ANTXR1: variants seen among roughly 807,000 people sequenced by gnomAD.
ANTXR1 encodes anthrax toxin receptor 1.
ANTXR1 carries 19 observed loss-of-function variants against 78.1 expected under a neutral mutation model. That is an observed-to-expected ratio of 0.24 (90% CI 0.17 to 0.36). ANTXR1 has a LOEUF of 0.36. Ranked by LOEUF, ANTXR1 falls within the 10% of genes least tolerant of loss-of-function variation. The pLI is 1.00. For missense variants in ANTXR1, 518 were observed against 718.6 expected, an observed-to-expected ratio of 0.72 and a Z score of 3.19; for synonymous variants, 273 against 260.5, an observed-to-expected ratio of 1.05 and a Z score of -0.46.
Position 69,234,223 on chromosome 2 carries a change from G to C in ANTXR1, c.1435-11002G>C, listed in dbSNP as rs528574120. Among the ~76,000 whole-genome samples the C allele has an allele frequency of 7.2e-5, 11 of 152,318 alleles. No individual in the cohort carries two copies. In the South Asian group the frequency reaches 2.3e-3, roughly 32 times the overall value. On this transcript the variant is annotated intron_variant, in intron 17 of 17. Transcript: ENST00000303714. ...TGGAAACTGCTGCTACAGATATAGA[G>C]AGACACATCAGAGAAGTGGAACAGA...
At chr2:69,225,212 C>T (rs1675413806) in intron 17 of ANTXR1, among the ~76,000 whole-genome samples, 1 of 152,242 alleles carries the variant, frequency 6.6e-6, no homozygotes, top group Admixed American at 6.5e-5. Context: ...TGCTGGCTAA[C>T]CCACATGTTA....
rs1351115967 is a variant in ANTXR1 at position 69,073,236 on chromosome 2, A to G, written c.492+135A>G. The G allele has an allele frequency of 6.7e-6, 5 of 749,780 alleles. No homozygotes were observed. The East Asian group carries it at 1.3e-4, about 20-fold the overall frequency. 46.4% of individuals were successfully genotyped at this position (749,780 alleles called of 1,614,324 possible). Reference sequence around the variant, plus strand: ...CTGAATGAAATAGAGTTTCATAAGTAGAAATAATAATAATAATTCGTGTTC... The same window carrying G: ...CTGAATGAAATAGAGTTTCATAAGTGGAAATAATAATAATAATTCGTGTTC... On this transcript the variant is annotated intron_variant, in intron 6 of 17. Coordinates refer to ENST00000303714, the MANE Select transcript of ANTXR1 (RefSeq NM_032208.3).
chr2:69,215,057 G>A (rs991813790), intron 17 of ANTXR1, among the ~76,000 whole-genome samples: 2 of 152,116 alleles, frequency 1.3e-5, no homozygotes, highest in Non-Finnish European at 2.9e-5. Context: ...CTTACAGGAC[G>A]CATGGATGGG....
In ANTXR1 at chr2:69,051,209, C is replaced by T. The variant is rs563207350; in HGVS notation, c.296+6396C>T. 9.8e-4 allele frequency among the ~76,000 whole-genome samples: 148 copies of T among 151,722 alleles called. 1 individual carries two copies. Among genetic ancestry groups the T allele is most frequent in the African/African-American group, 3.4e-3 (141 of 41,358 alleles). On this transcript the variant is annotated intron_variant, in intron 3 of 17. Coordinates refer to ENST00000303714, the MANE Select transcript of ANTXR1 (RefSeq NM_032208.3). ...GCGAGAATTTCTTGAACCTGGGAGGCGGAGGTTGCAGTGAGCTGAGATCGC... is the reference window on the plus strand; with the variant it reads ...GCGAGAATTTCTTGAACCTGGGAGGTGGAGGTTGCAGTGAGCTGAGATCGC...
intron 13 of ANTXR1, among the ~76,000 whole-genome samples, chr2:69,154,756 G>T (rs369662499): frequency 6.6e-6 from 1 of 152,160 alleles, no homozygotes; most frequent in South Asian, 2.1e-4. Context: ...CGTGTCTGCC[G>T]TGTGCCTTCT....
intron 17 of ANTXR1, among the ~76,000 whole-genome samples, chr2:69,232,230 C>T (rs1439236068): frequency 6.6e-6 from 1 of 151,664 alleles, no homozygotes; most frequent in Non-Finnish European, 1.5e-5. Flanking sequence ...TTAATTAAAT[C>T]GAATCAAAAA....
At chr2:69,151,536 G>C (rs1673398370) in intron 12 of ANTXR1, among the ~76,000 whole-genome samples, 1 of 152,096 alleles carries the variant, frequency 6.6e-6, no homozygotes, top group East Asian at 1.9e-4. Flanking sequence ...ATTTTTAGGT[G>C]GGTAAAACTG....
intron 3 of ANTXR1, among the ~76,000 whole-genome samples, chr2:69,061,294 T>C (rs13413078): frequency 0.049 from 7,505 of 152,234 alleles, 655 homozygotes; most frequent in African/African-American, 0.17. Flanking sequence ...AATGGTTTCA[T>C]AGTCAGGGAC....
chr2:69,016,114 T>C (rs1182546823), intron 1 of ANTXR1, among the ~76,000 whole-genome samples: 1 of 152,242 alleles, frequency 6.6e-6, no homozygotes, highest in Non-Finnish European at 1.5e-5. Flanking sequence ...AGACTTGCGC[T>C]GTCCAGTAGA....
chr2:69,200,084 T>C (rs762917305), intron 17 of ANTXR1, among the ~76,000 whole-genome samples: 5 of 152,206 alleles, frequency 3.3e-5, no homozygotes, highest in Non-Finnish European at 5.9e-5. Flanking sequence ...CAGTCACTTT[T>C]ACTCCAAATC....
intron 16 of ANTXR1, among the ~76,000 whole-genome samples, chr2:69,185,607 T>C (rs1282832779): frequency 6.6e-6 from 1 of 150,386 alleles, no homozygotes; most frequent in African/African-American, 2.4e-5. Flanking sequence ...CAGCATTCCA[T>C]AGGAAGTCCT....
chr2:69,212,113 C>G (rs1675056378), intron 17 of ANTXR1, among the ~76,000 whole-genome samples: 1 of 152,114 alleles, frequency 6.6e-6, no homozygotes, highest in South Asian at 2.1e-4. Flanking sequence ...ACCTCTATCT[C>G]TAATACCTTG....
chr2:69,107,708 C>T (rs961194784), intron 10 of ANTXR1, among the ~76,000 whole-genome samples: 1 of 152,076 alleles, frequency 6.6e-6, no homozygotes, highest in African/African-American at 2.4e-5. Flanking sequence ...TAAAAAGGAC[C>T]AAGATAGCTA....
At chr2:69,101,210 T>G (rs906128898) in intron 9 of ANTXR1, among the ~76,000 whole-genome samples, 2 of 152,234 alleles carry the variant, frequency 1.3e-5, no homozygotes, top group African/African-American at 4.8e-5. Flanking sequence ...TCCACTTTTC[T>G]GCAAAATGAG....
intron 10 of ANTXR1, among the ~76,000 whole-genome samples, chr2:69,109,082 T>G (rs1471193112): frequency 6.6e-6 from 1 of 152,142 alleles, no homozygotes; most frequent in Non-Finnish European, 1.5e-5. Context: ...GACGTCTTAT[T>G]TAACATCTCC....
rs1055179379 is a variant in ANTXR1 at position 69,245,783 on chromosome 2, G to A, written c.*298G>A. 10 of 339,018 alleles carry A rather than the reference G, an allele frequency of 2.9e-5. No individual in the cohort carries two copies. The highest frequency in any genetic ancestry group is 4.8e-5 in the Non-Finnish European group (9 of 186,476). The allele number at this position is 339,018 out of a possible 1,614,324, so 21.0% of individuals were successfully genotyped here. On this transcript the variant is annotated 3_prime_UTR_variant, in exon 18 of 18. Coordinates refer to ENST00000303714, the MANE Select transcript of ANTXR1 (RefSeq NM_032208.3). ...TGCTCTCAACAGGATTATGTCTCAT[G>A]GAGACCAGTAAGAAAATCATTTATC...
chr2:69,205,980 C>T (rs374157588), intron 17 of ANTXR1, among the ~76,000 whole-genome samples: 3 of 152,160 alleles, frequency 2.0e-5, no homozygotes, highest in East Asian at 1.9e-4. Context: ...TTTACAAATT[C>T]GTTCCTATAA....
intron 17 of ANTXR1, among the ~76,000 whole-genome samples, chr2:69,242,814 C>T (rs1675924854): frequency 6.6e-6 from 1 of 152,222 alleles, no homozygotes; most frequent in Non-Finnish European, 1.5e-5. Flanking sequence ...AAAGCTTTAT[C>T]CAGAATCATA....
intron 17 of ANTXR1, among the ~76,000 whole-genome samples, chr2:69,219,183 G>A (rs4366941): frequency 0.044 from 6,739 of 152,188 alleles, 509 homozygotes; most frequent in African/African-American, 0.15. Flanking sequence ...CCTGGGTTCT[G>A]GTGGTCCTAC....
Sources: gnomAD v4.1 joint callset for allele counts (sites outside exome capture counted in the v4.1 genomes callset) on GRCh38, gnomAD v4.1.1 for gene constraint, MANE v1.5 for transcripts, NCBI Gene and HGNC (gene_info 2026-07-23, HGNC 2026-07-21) for gene names.